Variants in ITPR1 observed in about 807,000 individuals in gnomAD.
ITPR1 encodes inositol 1,4,5-trisphosphate receptor type 1, also known as inositol 1,4,5-trisphosphate-gated calcium channel ITPR1.
A neutral mutation model predicts 318.4 loss-of-function variants in ITPR1; 96 were observed. The observed-to-expected ratio is 0.30, with a 90% CI of 0.26 to 0.36. The LOEUF (loss-of-function observed/expected upper bound fraction) is 0.36, where lower values mean the gene tolerates loss of function less well. ITPR1 is among the 10% of genes least tolerant of loss of function. The pLI is 1.00. For synonymous variants in ITPR1, 1,312 were observed against 1,289.9 expected, an observed-to-expected ratio of 1.02 and a Z score of -0.37; for missense variants, 2,440 against 3,460.2, an observed-to-expected ratio of 0.71 and a Z score of 7.40.
intron 6 of ITPR1, among the ~76,000 whole-genome samples, chr3:4,641,449 T>G (rs1419986300): frequency 6.6e-6 from 1 of 152,210 alleles, no homozygotes; most frequent in African/African-American, 2.4e-5. Flanking sequence ...TGATTTCGGC[T>G]CACTGTAGCC....
chr3:4,730,890 G>C (rs192388362), intron 42 of ITPR1, among the ~76,000 whole-genome samples: 1 of 152,230 alleles, frequency 6.6e-6, no homozygotes, highest in Admixed American at 6.5e-5. Flanking sequence ...TACGTTGGCT[G>C]TCTTCCCTGG....
chr3:4,515,920 A>T (rs1285063703), intron 2 of ITPR1, among the ~76,000 whole-genome samples: 1 of 152,188 alleles, frequency 6.6e-6, no homozygotes, highest in Non-Finnish European at 1.5e-5. Context: ...TGGAATTCTG[A>T]AAAGGCCTAA....
At chr3:4,714,640 CATGTG>C (rs2041633626) in intron 39 of ITPR1, among the ~76,000 whole-genome samples, 1 of 152,188 alleles carries the variant, frequency 6.6e-6, no homozygotes, top group Non-Finnish European at 1.5e-5. Context: ...TGGTGTCCAC[CATGTG>C]TGGGCTGGGT....
chr3:4,507,273 G>T (rs1275815883), intron 2 of ITPR1, among the ~76,000 whole-genome samples: 4 of 151,972 alleles, frequency 2.6e-5, no homozygotes, highest in Non-Finnish European at 4.4e-5. Context: ...TGAAAATAAT[G>T]CCCCAATGTT....
At chr3:4,787,856 T>A (rs1464117413) in intron 51 of ITPR1, 91 bp from the exon 52 acceptor site, 1 of 853,028 alleles carries the variant, frequency 1.2e-6, no homozygotes, top group African/African-American at 1.8e-5. Context: ...TTATACTCAA[T>A]CTTGACCACC....
intron 4 of ITPR1, among the ~76,000 whole-genome samples, chr3:4,565,865 T>C (rs2087189184): frequency 6.6e-6 from 1 of 152,230 alleles, no homozygotes; most frequent in Non-Finnish European, 1.5e-5. Flanking sequence ...CATGTTCCAC[T>C]AAGTATATTA....
intron 41 of ITPR1, 73 bp downstream of exon 41, chr3:4,725,654 G>T: frequency 1.5e-6 from 2 of 1,339,724 alleles, no homozygotes; most frequent in Non-Finnish European, 2.1e-6. Flanking sequence ...CTGGTTGGGT[G>T]TCTGAATTGT....
At chr3:4,677,515 A>T (rs1271258482) in intron 24 of ITPR1, among the ~76,000 whole-genome samples, 1 of 152,188 alleles carries the variant, frequency 6.6e-6, no homozygotes, top group Non-Finnish European at 1.5e-5. Context: ...GGGAAAGGGT[A>T]TCTGAGGCAG....
At chr3:4,844,761 AT>A (rs2051632236) in intron 61 of ITPR1, among the ~76,000 whole-genome samples, 1 of 152,218 alleles carries the variant, frequency 6.6e-6, no homozygotes, top group Admixed American at 6.5e-5. Context: ...TAAAAGCTTT[AT>A]TAAAAGCTAC....
At chr3:4,596,103 G>A (rs1416142560) in intron 4 of ITPR1, 4 of 152,086 alleles carry the variant, frequency 2.6e-5, no homozygotes, top group African/African-American at 9.7e-5. Context: ...ACAGACAAAT[G>A]CTCTTCTCAA....
chr3:4,811,434 G>C lies in ITPR1; in HGVS notation c.7442G>C (p.Arg2481Thr). Residue 2481 changes from arginine to threonine, a missense_variant, in exon 56 of 62, where the codon AGG becomes ACG. Physicochemically the swap from Arg to Thr is moderately conservative, Grantham distance 71 (BLOSUM62 -1). Coordinates refer to ENST00000649015, the MANE Select transcript of ITPR1 (RefSeq NM_001378452.1). ...GATGACTTTATCTTGGAAGTAGATA[G>C]GCTGCCCAATGAAACAGCTGTTCCA... is the stretch of plus-strand genomic sequence containing the variant. ...FKDDFILEVD[R>T]LPNETAVPET... is the part of the protein sequence containing the mutation. 6.2e-7 allele frequency: 1 copy of C among 1,613,868 alleles called. No homozygotes were observed. The highest frequency in any genetic ancestry group is 2.2e-5 in the East Asian group (1 of 44,884).
intron 4 of ITPR1, among the ~76,000 whole-genome samples, chr3:4,559,225 T>C (rs1472577102): frequency 6.6e-6 from 1 of 151,982 alleles, no homozygotes; most frequent in African/African-American, 2.4e-5. Flanking sequence ...CCCTCTTGTG[T>C]ATGGGTGTTA....
intron 39 of ITPR1, among the ~76,000 whole-genome samples, chr3:4,714,032 G>C (rs6800739): frequency 2.1e-3 from 327 of 152,310 alleles, no homozygotes; most frequent in Non-Finnish European, 3.5e-3. Flanking sequence ...AAAAGAGAGA[G>C]AAGGAGAACA....
intron 4 of ITPR1, among the ~76,000 whole-genome samples, chr3:4,625,681 C>T (rs1034212531): frequency 3.9e-5 from 6 of 152,156 alleles, no homozygotes; most frequent in South Asian, 2.1e-4. Flanking sequence ...CTCAGCCTCC[C>T]GAGTAGCTGG....
intron 41 of ITPR1, among the ~76,000 whole-genome samples, 162 bp downstream of exon 41, chr3:4,725,743 G>C (rs1451471138): frequency 2.0e-5 from 3 of 152,152 alleles, no homozygotes; most frequent in Non-Finnish European, 2.9e-5. Flanking sequence ...TTGCTGACGT[G>C]GATGTGGCTC....
At chr3:4,678,708 G>A (rs187401501) in intron 24 of ITPR1, among the ~76,000 whole-genome samples, 24 of 152,290 alleles carry the variant, frequency 1.6e-4, no homozygotes, top group Admixed American at 1.4e-3. Context: ...TGATGGAGGA[G>A]GTAGGGTTTC....
intron 24 of ITPR1, 73 bp from the exon 25 acceptor site, chr3:4,680,480 T>G: frequency 7.4e-7 from 1 of 1,344,970 alleles, no homozygotes; most frequent in Non-Finnish European, 1.1e-6. Context: ...CCCGCCAGTG[T>G]GTGGTGGCTT....
At chr3:4,553,277 A>C (rs2085756991) in intron 4 of ITPR1, among the ~76,000 whole-genome samples, 1 of 152,122 alleles carries the variant, frequency 6.6e-6, no homozygotes, top group South Asian at 2.1e-4. Flanking sequence ...TTCTACAGTG[A>C]ATTACAGGAC....
At chr3:4,611,237 A>C (rs2092094728) in intron 4 of ITPR1, among the ~76,000 whole-genome samples, 1 of 146,566 alleles carries the variant, frequency 6.8e-6, no homozygotes, top group Admixed American at 6.8e-5. Context: ...TCTACAAAAA[A>C]AAAAACAAAA....
Sources: allele counts gnomAD v4.1 joint callset (sites outside exome capture counted in the v4.1 genomes callset), GRCh38; gene constraint gnomAD v4.1.1; transcripts MANE v1.5; gene names NCBI Gene and HGNC (gene_info 2026-07-23, HGNC 2026-07-21).